Variants in DLG2 observed in about 807,000 individuals in gnomAD.
The protein encoded by DLG2 is disks large homolog 2.
A neutral mutation model predicts 132.5 loss-of-function variants in DLG2; 45 were observed. That is an observed-to-expected ratio of 0.34 (90% confidence interval 0.27 to 0.44). The LOEUF (loss-of-function observed/expected upper bound fraction) is 0.44, where lower values mean the gene tolerates loss of function less well. DLG2 is among the 20% of genes least tolerant of loss of function. The pLI is 1.00. For synonymous variants in DLG2, 424 were observed against 419.6 expected, an observed-to-expected ratio of 1.01 and a Z score of -0.13; for missense variants, 1,045 against 1,196.9, an observed-to-expected ratio of 0.87 and a Z score of 1.87.
intron 7 of DLG2, among the ~76,000 whole-genome samples, chr11:84,495,776 G>A (rs750236745): frequency 6.6e-6 from 1 of 152,134 alleles, no homozygotes; most frequent in South Asian, 2.1e-4. Context: ...TCCAAGCTCT[G>A]TGAAGTCATG....
intron 6 of DLG2, among the ~76,000 whole-genome samples, chr11:85,035,242 G>A (rs1425560054): frequency 6.6e-6 from 1 of 152,186 alleles, no homozygotes; most frequent in Non-Finnish European, 1.5e-5. Flanking sequence ...TGAAACAGCA[G>A]ATAGAAGATG....
chr11:85,189,068 G>GA (rs1483517330), intron 4 of DLG2, among the ~76,000 whole-genome samples: 14 of 151,986 alleles, frequency 9.2e-5, no homozygotes, highest in Admixed American at 6.6e-4. Flanking sequence ...AAGAAAAAGA[G>GA]AAAATTTTTA....
At chr11:85,081,073 A>C (rs1025834736) in intron 6 of DLG2, among the ~76,000 whole-genome samples, 8 of 152,192 alleles carry the variant, frequency 5.3e-5, no homozygotes, top group Admixed American at 4.6e-4. Flanking sequence ...TAATAAAAAC[A>C]AACAGGAATT....
At chr11:84,493,484 A>G (rs867454741) in intron 7 of DLG2, among the ~76,000 whole-genome samples, 1 of 152,038 alleles carries the variant, frequency 6.6e-6, no homozygotes, top group African/African-American at 2.4e-5. Context: ...CTGAATCATA[A>G]TAATAGCTCC....
rs562867412 is a variant in DLG2, at chr11:83,875,491, A to G, written c.1497-1003T>C. Among the ~76,000 whole-genome samples, 11 of 152,270 alleles carry G rather than the reference A, an allele frequency of 7.2e-5. No individual in the cohort carries two copies. The South Asian group carries it at 8.3e-4, about 11-fold the overall frequency. On this transcript the variant is annotated intron_variant, in intron 15 of 27. Transcript: ENST00000376104. Reference sequence around the variant, plus strand: ...CTGTTTGATTCTAGAGTCATTTTAAATTCTTACAACAATTTTTCACATTTT... The same window carrying G: ...CTGTTTGATTCTAGAGTCATTTTAAGTTCTTACAACAATTTTTCACATTTT...
intron 12 of DLG2, among the ~76,000 whole-genome samples, chr11:83,978,769 C>T (rs1364283032): frequency 3.3e-5 from 5 of 151,992 alleles, no homozygotes; most frequent in Non-Finnish European, 7.4e-5. Flanking sequence ...AGGTGGGCAG[C>T]ATGTACTTAT....
chr11:84,210,415 C>T (rs10792736), intron 8 of DLG2, among the ~76,000 whole-genome samples: 111,630 of 139,074 alleles, frequency 0.8, 45,501 homozygotes, highest in Middle Eastern at 0.9. Context: ...AGGGATAGCA[C>T]TGGGAGATAT....
At chr11:84,121,258 A>G (rs1408312581) in intron 9 of DLG2, among the ~76,000 whole-genome samples, 1 of 152,154 alleles carries the variant, frequency 6.6e-6, no homozygotes, top group Non-Finnish European at 1.5e-5. Flanking sequence ...CTCTTCTATA[A>G]AATGGGGTTA....
At chr11:84,485,567 A>G (rs541080949) in intron 7 of DLG2, among the ~76,000 whole-genome samples, 1 of 152,308 alleles carries the variant, frequency 6.6e-6, no homozygotes, top group South Asian at 2.1e-4. Flanking sequence ...CAGATATGGC[A>G]CTACAGAAGA....
At chr11:83,685,196 C>G (rs761214025) in intron 18 of DLG2, among the ~76,000 whole-genome samples, 2 of 152,178 alleles carry the variant, frequency 1.3e-5, no homozygotes, top group Admixed American at 6.6e-5. Flanking sequence ...ACAATAATAG[C>G]TGAGGTCTAA....
chr11:85,320,569 GATAT>G (rs1445303240), intron 3 of DLG2, among the ~76,000 whole-genome samples: 5 of 151,874 alleles, frequency 3.3e-5, no homozygotes, highest in African/African-American at 1.2e-4. Context: ...ATAAATATAT[GATAT>G]ATGTCAGGTA....
intron 3 of DLG2, among the ~76,000 whole-genome samples, chr11:85,569,350 G>T (rs2077717900): frequency 6.6e-6 from 1 of 152,066 alleles, no homozygotes; most frequent in South Asian, 2.1e-4. Context: ...CTTAATGTAA[G>T]TATTTATAGC....
intron 6 of DLG2, among the ~76,000 whole-genome samples, chr11:84,542,737 A>G (rs1427219242): frequency 6.6e-6 from 1 of 152,198 alleles, no homozygotes; most frequent in Non-Finnish European, 1.5e-5. Flanking sequence ...AAAACAGAAA[A>G]CCAAAAGGAC....
intron 8 of DLG2, among the ~76,000 whole-genome samples, chr11:84,216,434 T>C (rs2096836348): frequency 1.3e-5 from 2 of 152,294 alleles, no homozygotes; most frequent in African/African-American, 2.4e-5. Context: ...AAAATCTGCC[T>C]ACTACACTAT....
chr11:85,525,109 T>C (rs948693807), intron 3 of DLG2: 2 of 152,204 alleles, frequency 1.3e-5, no homozygotes, highest in African/African-American at 4.8e-5. Context: ...CCATTTACAC[T>C]ATATAAATTT....
rs375638629 is a variant in DLG2, at chr11:84,387,946, A to G, written c.520-136655T>C. Reference sequence around the variant, plus strand: ...GTCAAAGACCATGCACATACTCTCCAAAGCCAATTGTAGGGAGGGAAAACT... The same window carrying G: ...GTCAAAGACCATGCACATACTCTCCGAAGCCAATTGTAGGGAGGGAAAACT... On this transcript the variant is annotated intron_variant, in intron 7 of 27. Coordinates refer to ENST00000376104, the MANE Select transcript of DLG2 (RefSeq NM_001142699.3). 2.0e-5 allele frequency among the ~76,000 whole-genome samples: 3 copies of G among 152,200 alleles called. No individual in the cohort carries two copies. In the East Asian group the frequency reaches 5.8e-4, roughly 29 times the overall value.
chr11:85,098,130 T>A (rs1429919466), intron 6 of DLG2, among the ~76,000 whole-genome samples: 1 of 152,206 alleles, frequency 6.6e-6, no homozygotes. Flanking sequence ...TCTCATTCAA[T>A]CACAGAGATG....
At chr11:84,593,805 A>G (rs2099549844) in intron 6 of DLG2, among the ~76,000 whole-genome samples, 1 of 152,224 alleles carries the variant, frequency 6.6e-6, no homozygotes, top group Admixed American at 6.5e-5. Context: ...ATAATTTAAA[A>G]AAAGAAAAAG....
chr11:84,576,011 G>A (rs1291581392), intron 6 of DLG2, among the ~76,000 whole-genome samples: 1 of 152,134 alleles, frequency 6.6e-6, no homozygotes, highest in Non-Finnish European at 1.5e-5. Flanking sequence ...TCCTCTTCCT[G>A]AAAATCTCTT....
Sources: allele counts gnomAD v4.1 joint callset (sites outside exome capture counted in the v4.1 genomes callset), GRCh38; gene constraint gnomAD v4.1.1; transcripts MANE v1.5; gene names NCBI Gene and HGNC (gene_info 2026-07-23, HGNC 2026-07-21).